CAMK2D: variants seen among roughly 807,000 people sequenced by gnomAD.
CAMK2D encodes the protein calcium/calmodulin-dependent protein kinase type II subunit delta.
In CAMK2D, 37 loss-of-function variants were observed where a neutral mutation model predicts 84.0. The observed-to-expected ratio is 0.44, with a 90% confidence interval of 0.34 to 0.58. The LOEUF (loss-of-function observed/expected upper bound fraction) is 0.58. CAMK2D is among the 20% of genes least tolerant of loss of function. The probability of loss-of-function intolerance (pLI) is 0.02; values close to 1 mark genes in which losing one functional copy is unlikely to be tolerated. For synonymous variants in CAMK2D, 202 were observed against 212.5 expected, an observed-to-expected ratio of 0.95 and a Z score of 0.43; for missense variants, 448 against 652.5, an observed-to-expected ratio of 0.69 and a Z score of 3.41.
chr4:113,626,121 C>T (rs1444156124), intron 3 of CAMK2D, among the ~76,000 whole-genome samples: 1 of 151,836 alleles, frequency 6.6e-6, no homozygotes, highest in Admixed American at 6.6e-5. Flanking sequence ...GTAGAGCAGA[C>T]AGGAACTGCT....
chr4:113,542,518 A>G (rs1465443113), intron 6 of CAMK2D, among the ~76,000 whole-genome samples: 3 of 152,146 alleles, frequency 2.0e-5, no homozygotes, highest in Non-Finnish European at 4.4e-5. Flanking sequence ...GATCAACACC[A>G]TCCTGGCTAA....
intron 8 of CAMK2D, among the ~76,000 whole-genome samples, chr4:113,520,593 T>TA (rs1195403363): frequency 6.6e-6 from 1 of 150,408 alleles, no homozygotes; most frequent in African/African-American, 2.4e-5. Flanking sequence ...CCTAAAGTAC[T>TA]AAAATCATTA....
chr4:113,752,778 C>T (rs910329135), intron 2 of CAMK2D, among the ~76,000 whole-genome samples: 5 of 152,056 alleles, frequency 3.3e-5, no homozygotes, highest in African/African-American at 1.2e-4. Flanking sequence ...TATTGTTGTC[C>T]TTCCAGAAGA....
chr4:113,531,378 C>T lies in CAMK2D; in HGVS notation c.518-79G>A, dbSNP rs150102933. On this transcript the variant is annotated intron_variant, in intron 7 of 20. Coordinates refer to ENST00000511664, the MANE Select transcript of CAMK2D (RefSeq NM_001321571.2). The stretch of plus-strand genomic sequence containing the variant: ...ATGGGAAACTAAGAAAGAAAAATAT[C>T]GGGGGCTTCTTTATCTGATTATATG... The T allele has an allele frequency of 1.1e-4, 87 of 768,778 alleles. No individual in the cohort carries two copies. In the African/African-American group the frequency reaches 1.1e-3, roughly 10 times the overall value. The allele number at this position is 768,778 out of a possible 1,614,324, so 47.6% of individuals were successfully genotyped here.
chr4:113,749,510 T>C (rs2149038059), intron 2 of CAMK2D, among the ~76,000 whole-genome samples: 1 of 152,314 alleles, frequency 6.6e-6, no homozygotes, highest in Non-Finnish European at 1.5e-5. Context: ...TCTAAAACTC[T>C]ATAAAGTGTC....
chr4:113,598,644 A>C (rs991192802), intron 4 of CAMK2D, among the ~76,000 whole-genome samples: 50 of 152,366 alleles, frequency 3.3e-4, no homozygotes, highest in African/African-American at 1.2e-3. Context: ...CACCGGATAA[A>C]GCTTCTGTTA....
chr4:113,736,873 C>T (rs190146075), intron 2 of CAMK2D, among the ~76,000 whole-genome samples: 8 of 152,192 alleles, frequency 5.3e-5, no homozygotes, highest in Non-Finnish European at 1.0e-4. Context: ...GAAGTCAAAA[C>T]GTAAATGAGA....
chr4:113,664,961 G>A (rs762880679), intron 2 of CAMK2D, among the ~76,000 whole-genome samples: 1 of 152,158 alleles, frequency 6.6e-6, no homozygotes, highest in Non-Finnish European at 1.5e-5. Context: ...CTGCCACCAT[G>A]CCCAGCTAAT....
At chr4:113,597,691 T>G (rs1288161075) in intron 4 of CAMK2D, among the ~76,000 whole-genome samples, 1 of 152,244 alleles carries the variant, frequency 6.6e-6, no homozygotes, top group Non-Finnish European at 1.5e-5. Context: ...ACTTTTCCTT[T>G]GCATTCACAA....
At chr4:113,629,555 T>C (rs1030420306) in intron 3 of CAMK2D, among the ~76,000 whole-genome samples, 1 of 152,062 alleles carries the variant, frequency 6.6e-6, no homozygotes, top group Non-Finnish European at 1.5e-5. Context: ...ACATGTAATA[T>C]ACTCTGACAT....
chr4:113,567,691 C>A (rs77734552), intron 4 of CAMK2D, among the ~76,000 whole-genome samples: 6,224 of 152,300 alleles, frequency 0.041, 162 homozygotes, highest in South Asian at 0.08. Context: ...GTCTTTGATA[C>A]TTAGCTATTT....
At chr4:113,695,227 A>G (rs1024717075) in intron 2 of CAMK2D, among the ~76,000 whole-genome samples, 1 of 145,270 alleles carries the variant, frequency 6.9e-6, no homozygotes, top group South Asian at 2.2e-4. Flanking sequence ...AGAGTAAGTA[A>G]AATAAAGAAA....
At chr4:113,741,743 C>A (rs1411333538) in intron 2 of CAMK2D, among the ~76,000 whole-genome samples, 2 of 152,140 alleles carry the variant, frequency 1.3e-5, no homozygotes, top group Non-Finnish European at 2.9e-5. Context: ...AATTCCTTAA[C>A]TTGGCTAAAA....
intron 3 of CAMK2D, among the ~76,000 whole-genome samples, chr4:113,648,574 G>A (rs915707076): frequency 3.7e-4 from 57 of 152,240 alleles, no homozygotes; most frequent in African/African-American, 1.4e-3. Context: ...CCGGTAAGAA[G>A]TGAGCTTTAC....
At chr4:113,674,183 A>C (rs60555226) in intron 2 of CAMK2D, among the ~76,000 whole-genome samples, 31,469 of 151,992 alleles carry the variant, frequency 0.21, 3,575 homozygotes, top group African/African-American at 0.31. Context: ...TATTTTTTTA[A>C]AATCACCTAA....
intron 2 of CAMK2D, among the ~76,000 whole-genome samples, chr4:113,695,883 A>G (rs2099401202): frequency 6.6e-6 from 1 of 152,058 alleles, no homozygotes; most frequent in Admixed American, 6.6e-5. Flanking sequence ...AGCTCTTGCT[A>G]TGATCTGCAA....
At chr4:113,691,057 AC>A (rs1356011042) in intron 2 of CAMK2D, among the ~76,000 whole-genome samples, 2 of 152,212 alleles carry the variant, frequency 1.3e-5, no homozygotes, top group Non-Finnish European at 2.9e-5. Context: ...GATTTACAAC[AC>A]AGAATATTCC....
chr4:113,753,974 T>C (rs1366016137), intron 2 of CAMK2D: 1 of 976,502 alleles, frequency 1.0e-6, no homozygotes, highest in African/African-American at 1.8e-5. Context: ...TCTATTATGT[T>C]TATTTAGGTA....
chr4:113,667,342 T>C (rs1477814495), intron 2 of CAMK2D, among the ~76,000 whole-genome samples: 2 of 152,172 alleles, frequency 1.3e-5, no homozygotes, highest in Admixed American at 1.3e-4. Flanking sequence ...TTTTTCACAA[T>C]TGCTGTGAAC....
Sources: allele counts gnomAD v4.1 joint callset (sites outside exome capture counted in the v4.1 genomes callset), GRCh38; gene constraint gnomAD v4.1.1; transcripts MANE v1.5; gene names NCBI Gene and HGNC (gene_info 2026-07-23, HGNC 2026-07-21).